Variants in STS observed in about 807,000 individuals in gnomAD.
STS encodes steryl-sulfatase.
A neutral mutation model predicts 26.8 loss-of-function variants in STS; 7 were observed. The observed-to-expected ratio is 0.26, with a 90% CI of 0.15 to 0.49. The LOEUF (loss-of-function observed/expected upper bound fraction) is 0.49. Among genes scored for constraint, STS ranks in the 20% least tolerant of loss-of-function variants. STS has a pLI of 0.98. For synonymous variants in STS, 199 were observed against 189.4 expected, an observed-to-expected ratio of 1.05 and a Z score of -0.42; for missense variants, 434 against 465.6, an observed-to-expected ratio of 0.93 and a Z score of 0.63.
intron 2 of STS, among the ~76,000 whole-genome samples, chrX:7,204,662 C>T (rs1330325683): frequency 9.7e-6 from 1 of 103,179 alleles, no homozygotes; most frequent in Non-Finnish European, 2.0e-5. Flanking sequence ...TCCTGCCTTC[C>T]TCCTTCCTTT....
At chrX:7,324,240 G>C (rs982005915) in intron 8 of STS, among the ~76,000 whole-genome samples, 8 of 111,012 alleles carry the variant, frequency 7.2e-5, no homozygotes, top group African/African-American at 2.0e-4. Flanking sequence ...GGTTGAAAGA[G>C]TTGATTTAAA....
intron 7 of STS, among the ~76,000 whole-genome samples, chrX:7,286,217 A>G (rs1925126592): frequency 9.0e-6 from 1 of 111,727 alleles, no homozygotes; most frequent in South Asian, 3.7e-4. Flanking sequence ...TTTTTAAAAA[A>G]TGAGTCTGTG....
chrX:7,254,053 G>A (rs1376423683), intron 3 of STS, among the ~76,000 whole-genome samples: 1 of 111,685 alleles, frequency 9.0e-6, no homozygotes, highest in Non-Finnish European at 1.9e-5. Context: ...CCCATTTACA[G>A]GGCTTCATCC....
intron 1 of STS, among the ~76,000 whole-genome samples, chrX:7,148,946 C>CT (rs5901336): frequency 3.8e-4 from 40 of 104,173 alleles, no homozygotes; most frequent in South Asian, 1.3e-3. Flanking sequence ...AAACAGCTTT[C>CT]TTTTTTTTTT....
intron 8 of STS, among the ~76,000 whole-genome samples, chrX:7,323,419 T>C (rs1894802770): frequency 9.0e-6 from 1 of 111,089 alleles, no homozygotes. Context: ...TGTTGCCAAC[T>C]TTATGTTTAT....
intron 2 of STS, among the ~76,000 whole-genome samples, chrX:7,199,202 G>T (rs1339455695): frequency 2.7e-5 from 3 of 111,553 alleles, no homozygotes; most frequent in Non-Finnish European, 5.6e-5. Context: ...TATGATATTT[G>T]AAGTCAATCA....
intron 2 of STS, among the ~76,000 whole-genome samples, chrX:7,238,189 GATA>G (rs1166387562): frequency 1.4e-5 from 1 of 70,535 alleles, no homozygotes; most frequent in Non-Finnish European, 3.2e-5. Flanking sequence ...TAGATAGATA[GATA>G]GATAGATAGA....
At chrX:7,279,311 A>ATATATGTG (rs1445736078) in intron 7 of STS, among the ~76,000 whole-genome samples, 12 of 78,117 alleles carry the variant, frequency 1.5e-4, no homozygotes, top group Middle Eastern at 7.4e-3. Flanking sequence ...ATATATATAT[A>ATATATGTG]TGTGTGTGTG....
At chrX:7,164,416 C>G (rs1465700332) in intron 1 of STS, among the ~76,000 whole-genome samples, 1 of 111,046 alleles carries the variant, frequency 9.0e-6, no homozygotes, top group African/African-American at 3.3e-5. Flanking sequence ...GATGCAGCTT[C>G]CATTATGTAA....
intron 1 of STS, 68 bp downstream of exon 1, chrX:7,148,151 A>G (rs1932923325): frequency 1.0e-6 from 1 of 1,003,114 alleles, no homozygotes; most frequent in African/African-American, 2.0e-5. Flanking sequence ...GCGAGGAGGA[A>G]GTGCGCGCGC....
chrX:7,300,919 C>G (rs1925934050), intron 7 of STS, among the ~76,000 whole-genome samples: 1 of 111,234 alleles, frequency 9.0e-6, no homozygotes, highest in East Asian at 2.8e-4. Context: ...ATAAATGCAG[C>G]TGTAAATTTG....
chrX:7,279,373 GTGTGTATATATA>G (rs1218507193), intron 7 of STS, among the ~76,000 whole-genome samples: 26 of 86,763 alleles, frequency 3.0e-4, no homozygotes, highest in Admixed American at 2.2e-3. Context: ...GTGTGTGTGT[GTGTGTATATATA>G]TGTGTGTGTA....
At chrX:7,152,700 G>A (rs1466162917) in intron 1 of STS, among the ~76,000 whole-genome samples, 1 of 112,648 alleles carries the variant, frequency 8.9e-6, no homozygotes, top group Admixed American at 9.3e-5. Context: ...AGGGAGGAGG[G>A]GAGACATCAT....
intron 7 of STS, among the ~76,000 whole-genome samples, chrX:7,287,818 T>A (rs1200261971): frequency 9.0e-6 from 1 of 110,582 alleles, no homozygotes; most frequent in Non-Finnish European, 1.9e-5. Flanking sequence ...GCATAAAAAA[T>A]TTGCTTTCAT....
chrX:7,333,547 T>C (rs1927863125), intron 9 of STS, among the ~76,000 whole-genome samples: 1 of 112,412 alleles, frequency 8.9e-6, no homozygotes, highest in South Asian at 3.7e-4. Context: ...TAATCCCAAA[T>C]TGTCAGGTGC....
At chrX:7,158,013 G>A (rs1426004578) in intron 1 of STS, among the ~76,000 whole-genome samples, 1 of 112,194 alleles carries the variant, frequency 8.9e-6, no homozygotes, top group African/African-American at 3.2e-5. Context: ...GGCTTATGAA[G>A]AGGTTTCTGT....
intron 2 of STS, among the ~76,000 whole-genome samples, chrX:7,251,680 A>G (rs1352856860): frequency 1.2e-4 from 13 of 112,010 alleles, no homozygotes; most frequent in South Asian, 3.7e-4. Flanking sequence ...TTAAAAGTAA[A>G]TAAAATTGGT....
intron 1 of STS, among the ~76,000 whole-genome samples, chrX:7,176,698 G>C (rs1331869968): frequency 9.0e-6 from 1 of 111,489 alleles, no homozygotes; most frequent in South Asian, 3.8e-4. Context: ...GAGTGAAGGA[G>C]GAAGCCCCTT....
chrX:7,205,552 G>C (rs967809415), intron 2 of STS, among the ~76,000 whole-genome samples: 8 of 110,720 alleles, frequency 7.2e-5, no homozygotes, highest in African/African-American at 1.3e-4. Flanking sequence ...GGGTTGGCTG[G>C]TATAAAACTG....
Sources: gnomAD v4.1 joint callset for allele counts (sites outside exome capture counted in the v4.1 genomes callset) on GRCh38, gnomAD v4.1.1 for gene constraint, MANE v1.5 for transcripts, NCBI Gene and HGNC (gene_info 2026-07-23, HGNC 2026-07-21) for gene names.